Variants in RAB27B observed in about 807,000 individuals in gnomAD.
The protein encoded by RAB27B is RAB27B, member RAS oncogene family.
A neutral mutation model predicts 24.6 loss-of-function variants in RAB27B; 15 were observed. That is an observed-to-expected ratio of 0.61 (90% confidence interval 0.41 to 0.94). The LOEUF (loss-of-function observed/expected upper bound fraction) is 0.94, where lower values mean the gene tolerates loss of function less well. RAB27B is among the 40% of genes least tolerant of loss of function. RAB27B has a pLI of 0.00. For missense variants in RAB27B, 261 were observed against 266.8 expected, an observed-to-expected ratio of 0.98 and a Z score of 0.15; for synonymous variants, 105 against 92.5, an observed-to-expected ratio of 1.14 and a Z score of -0.78.
rs1338055845 is a variant in RAB27B at position 54,893,867 on chromosome 18, G to A, written c.*4454G>A. 1.3e-5 allele frequency: 2 copies of A among 151,818 alleles called. No individual in the cohort carries two copies. The highest frequency in any genetic ancestry group is 2.1e-4 in the South Asian group (1 of 4,822). The allele number at this position is 151,818 out of a possible 1,614,324, so 9.4% of individuals were successfully genotyped here. ...TGGAGAAGGTCATACTTCAAAGGTCGATTTTGAGTCCGAATAAAGAAAGAC... is the reference window on the plus strand; with the variant it reads ...TGGAGAAGGTCATACTTCAAAGGTCAATTTTGAGTCCGAATAAAGAAAGAC... On this transcript the variant is annotated 3_prime_UTR_variant, in exon 6 of 6. Transcript: ENST00000262094.
chr18:54,740,985 T>G (rs1910053361), intron 2 of RAB27B, among the ~76,000 whole-genome samples: 1 of 152,142 alleles, frequency 6.6e-6, no homozygotes, highest in Admixed American at 6.6e-5. Flanking sequence ...TCTACCTAGG[T>G]TTTTGGTCAT....
At chr18:54,730,390 C>G (rs544946823) in intron 2 of RAB27B, among the ~76,000 whole-genome samples, 2 of 152,158 alleles carry the variant, frequency 1.3e-5, no homozygotes, top group Non-Finnish European at 2.9e-5. Flanking sequence ...AATGCCCTCC[C>G]GTCATCAAGT....
intron 2 of RAB27B, among the ~76,000 whole-genome samples, chr18:54,744,221 G>C (rs7238548): frequency 0.062 from 9,444 of 152,204 alleles, 374 homozygotes; most frequent in Admixed American, 0.087. Flanking sequence ...AGATTTGGAT[G>C]CTTAATATTT....
intron 2 of RAB27B, among the ~76,000 whole-genome samples, chr18:54,803,365 A>G (rs185326188): frequency 6.6e-6 from 1 of 152,280 alleles, no homozygotes; most frequent in Admixed American, 6.5e-5. Flanking sequence ...CAGAGAAAAC[A>G]CAAGAAGGCC....
intron 3 of RAB27B, among the ~76,000 whole-genome samples, chr18:54,881,407 C>G (rs1912919769): frequency 6.6e-6 from 1 of 151,964 alleles, no homozygotes. Context: ...TGTGGAAATT[C>G]AAGGGGAGTT....
intron 2 of RAB27B, among the ~76,000 whole-genome samples, chr18:54,793,184 G>C (rs1321001333): frequency 6.6e-6 from 1 of 151,698 alleles, no homozygotes; most frequent in Non-Finnish European, 1.5e-5. Flanking sequence ...AGTTCCTGAT[G>C]TAAATGAAAC....
intron 3 of RAB27B, among the ~76,000 whole-genome samples, chr18:54,883,657 T>C (rs1913015934): frequency 1.3e-5 from 2 of 151,928 alleles, no homozygotes; most frequent in African/African-American, 4.8e-5. Context: ...AAAGAGCAAA[T>C]TCTCTAAAAT....
Position 54,889,493 on chromosome 18 carries a change from T to A in RAB27B, c.*80T>A. 2 of 1,298,738 alleles carry A rather than the reference T, an allele frequency of 1.5e-6. No homozygotes were observed. The highest frequency in any genetic ancestry group is 2.1e-6 in the Non-Finnish European group (2 of 957,164). The allele number at this position is 1,298,738 out of a possible 1,614,324, so 80.5% of individuals were successfully genotyped here. A position where few individuals can be genotyped will look rare whatever the true frequency, so the allele number is the denominator to read the frequency against. Reference sequence around the variant, plus strand: ...CAATGACAAACCACACAATTGTTGTTGAGTAAACCACGCACAATGGCATGT... The same window carrying A: ...CAATGACAAACCACACAATTGTTGTAGAGTAAACCACGCACAATGGCATGT... On this transcript the variant is annotated 3_prime_UTR_variant, in exon 6 of 6. Coordinates refer to ENST00000262094, the MANE Select transcript of RAB27B (RefSeq NM_004163.4).
At chr18:54,815,249 T>G (rs1017448329) in intron 2 of RAB27B, among the ~76,000 whole-genome samples, 14 of 152,208 alleles carry the variant, frequency 9.2e-5, no homozygotes, top group Admixed American at 7.9e-4. Context: ...GAAGTATTAT[T>G]GCAGGAGTAT....
At chr18:54,778,978 T>A (rs190530351) in intron 2 of RAB27B, among the ~76,000 whole-genome samples, 1 of 152,196 alleles carries the variant, frequency 6.6e-6, no homozygotes, top group East Asian at 1.9e-4. Flanking sequence ...TAGCTGGGAC[T>A]ACAGGTGCGC....
chr18:54,739,954 A>T (rs914088279), intron 2 of RAB27B, among the ~76,000 whole-genome samples: 2 of 152,188 alleles, frequency 1.3e-5, no homozygotes, highest in Non-Finnish European at 2.9e-5. Flanking sequence ...GCCCATGTAG[A>T]TGTGTAAGAG....
At chr18:54,790,255 A>C (rs1451956201) in intron 2 of RAB27B, among the ~76,000 whole-genome samples, 1 of 152,186 alleles carries the variant, frequency 6.6e-6, no homozygotes, top group Middle Eastern at 3.2e-3. Flanking sequence ...AAGAGAAAAA[A>C]AAGATATAAA....
chr18:54,746,290 C>T (rs776729536), intron 2 of RAB27B, among the ~76,000 whole-genome samples: 2 of 152,088 alleles, frequency 1.3e-5, no homozygotes, highest in Non-Finnish European at 2.9e-5. Context: ...AATTGCCGGT[C>T]GGATGAGACA....
chr18:54,833,821 G>A (rs767950920), intron 1 of RAB27B, among the ~76,000 whole-genome samples: 10 of 152,160 alleles, frequency 6.6e-5, no homozygotes, highest in Non-Finnish European at 1.5e-4. Context: ...AGAGCTTGGA[G>A]CGTTCAAGAA....
chr18:54,812,529 G>C (rs1598923276), intron 2 of RAB27B, among the ~76,000 whole-genome samples: 1 of 145,770 alleles, frequency 6.9e-6, no homozygotes. Context: ...TCCCAAAGAA[G>C]TCTGACCATG....
intron 1 of RAB27B, among the ~76,000 whole-genome samples, chr18:54,861,053 C>T (rs1008366946): frequency 1.3e-5 from 2 of 152,106 alleles, no homozygotes; most frequent in African/African-American, 2.4e-5. Context: ...AGATATTTGC[C>T]TATGAACCCA....
chr18:54,818,434 A>G (rs1910187031), intron 2 of RAB27B, among the ~76,000 whole-genome samples: 1 of 152,182 alleles, frequency 6.6e-6, no homozygotes, highest in Admixed American at 6.5e-5. Context: ...ATACATGTTT[A>G]TCACTTTGCT....
intron 2 of RAB27B, among the ~76,000 whole-genome samples, chr18:54,795,489 G>C (rs552388322): frequency 1.3e-5 from 2 of 152,328 alleles, no homozygotes; most frequent in Non-Finnish European, 2.9e-5. Flanking sequence ...ACTAAAATTA[G>C]AGGTTTATGC....
intron 2 of RAB27B, among the ~76,000 whole-genome samples, chr18:54,812,262 G>C (rs112977506): frequency 6.7e-6 from 1 of 148,300 alleles, no homozygotes; most frequent in African/African-American, 2.5e-5. Flanking sequence ...ATGAATGAAG[G>C]ATTTGAGTTT....
Sources: gnomAD v4.1 joint callset for allele counts (sites outside exome capture counted in the v4.1 genomes callset) on GRCh38, gnomAD v4.1.1 for gene constraint, MANE v1.5 for transcripts, NCBI Gene and HGNC (gene_info 2026-07-23, HGNC 2026-07-21) for gene names.